Variants in SPAG16 observed in about 807,000 individuals in gnomAD.
The protein encoded by SPAG16 is sperm-associated antigen 16 protein.
Under a neutral mutation model 80.4 loss-of-function variants are expected in SPAG16, and 86 were observed. That is an observed-to-expected ratio of 1.07 (90% confidence interval 0.90 to 1.28). The LOEUF (loss-of-function observed/expected upper bound fraction) is 1.28. Among genes scored for constraint, SPAG16 ranks in the 50% most tolerant of loss-of-function variants. The pLI is 0.00. For synonymous variants in SPAG16, 294 were observed against 265.9 expected (o/e 1.11, Z -1.03); for missense variants, 870 against 765.3 (o/e 1.14, Z -1.61).
At chr2:213,683,263 T>C (rs577499351) in intron 10 of SPAG16, among the ~76,000 whole-genome samples, 14 of 152,180 alleles carry the variant, frequency 9.2e-5, no homozygotes, top group Non-Finnish European at 1.6e-4. Flanking sequence ...CATTAAAAGA[T>C]ACATAGCCTG....
intron 9 of SPAG16, among the ~76,000 whole-genome samples, chr2:213,432,981 CA>C (rs1278987356): frequency 6.6e-6 from 1 of 152,104 alleles, no homozygotes; most frequent in Non-Finnish European, 1.5e-5. Flanking sequence ...GTTCATCACA[CA>C]AACAAAATTA....
intron 7 of SPAG16, among the ~76,000 whole-genome samples, chr2:213,356,102 G>T (rs1464540955): frequency 2.6e-5 from 4 of 151,724 alleles, no homozygotes; most frequent in African/African-American, 9.7e-5. Context: ...TTTGTCAAAG[G>T]CCTTTTCTGG....
intron 8 of SPAG16, among the ~76,000 whole-genome samples, chr2:213,371,764 A>G (rs963104162): frequency 1.3e-4 from 20 of 152,224 alleles, no homozygotes; most frequent in Non-Finnish European, 2.5e-4. Context: ...GATTTGGAGC[A>G]AAGTTAGCAA....
At chr2:214,073,798 A>G (rs2050928575) in intron 13 of SPAG16, among the ~76,000 whole-genome samples, 1 of 152,310 alleles carries the variant, frequency 6.6e-6, no homozygotes, top group South Asian at 2.1e-4. Context: ...AAGACCTACT[A>G]TAAGTCTTAC....
chr2:213,645,217 G>A (rs1027119329), intron 10 of SPAG16, among the ~76,000 whole-genome samples: 4 of 152,266 alleles, frequency 2.6e-5, no homozygotes, highest in Non-Finnish European at 1.5e-5. Flanking sequence ...TGTGGTGAAT[G>A]AGGAACTGGA....
At chr2:213,920,502 C>A (rs2106205659) in intron 11 of SPAG16, among the ~76,000 whole-genome samples, 1 of 152,298 alleles carries the variant, frequency 6.6e-6, no homozygotes, top group East Asian at 1.9e-4. Context: ...CTGGAGGAAG[C>A]TGCAGTGGGG....
intron 10 of SPAG16, among the ~76,000 whole-genome samples, chr2:213,769,779 C>T (rs1405539883): frequency 1.3e-5 from 2 of 152,094 alleles, no homozygotes; most frequent in Admixed American, 6.5e-5. Context: ...CAGACGTGTA[C>T]AGTTTGATCA....
chr2:213,838,136 G>A (rs138908459), intron 10 of SPAG16, among the ~76,000 whole-genome samples: 106 of 151,934 alleles, frequency 7.0e-4, no homozygotes, highest in Non-Finnish European at 4.0e-4. Context: ...AGAGACAAAT[G>A]ACAAAAATAA....
intron 8 of SPAG16, among the ~76,000 whole-genome samples, chr2:213,372,096 G>A (rs994618967): frequency 1.3e-5 from 2 of 151,734 alleles, no homozygotes; most frequent in Admixed American, 1.3e-4. Context: ...TATACAGAAA[G>A]CACTTTTTAG....
intron 15 of SPAG16, among the ~76,000 whole-genome samples, chr2:214,153,090 G>A (rs535257469): frequency 1.1e-4 from 17 of 152,008 alleles, no homozygotes; most frequent in African/African-American, 3.1e-4. Flanking sequence ...AAACTGCCCC[G>A]GGGAAAGGGA....
At position 213,777,404 on chromosome 2, in the gene SPAG16, G is replaced by A. The variant is rs2069665164; in HGVS notation, c.1071-85081G>A. Among the ~76,000 whole-genome samples, 4 of 150,460 alleles carry A rather than the reference G, an allele frequency of 2.7e-5. No individual in the cohort carries two copies. In the South Asian group the frequency reaches 6.3e-4, roughly 24 times the overall value. On this transcript the variant is annotated intron_variant, in intron 10 of 15. Coordinates refer to ENST00000331683, the MANE Select transcript of SPAG16 (RefSeq NM_024532.5). The stretch of plus-strand genomic sequence containing the variant: ...TGGGATTACAGTCATGTACCACAAC[G>A]CCCAACTAATTTTTTTTTTTGAGAT...
At chr2:213,327,202 A>T (rs72937056) in intron 5 of SPAG16, among the ~76,000 whole-genome samples, 32,711 of 151,080 alleles carry the variant, frequency 0.22, 4,380 homozygotes, top group Non-Finnish European at 0.31. Flanking sequence ...TACTAATGTG[A>T]TGAGGAAATA....
intron 9 of SPAG16, among the ~76,000 whole-genome samples, chr2:213,482,117 AAT>A (rs574073214): frequency 2.0e-5 from 3 of 152,226 alleles, no homozygotes; most frequent in African/African-American, 4.8e-5. Context: ...AAAACAGCAA[AAT>A]ATATCTCTCT....
intron 10 of SPAG16, among the ~76,000 whole-genome samples, chr2:213,755,141 G>A (rs550212010): frequency 6.6e-6 from 1 of 152,136 alleles, no homozygotes. Flanking sequence ...AAGAATATTT[G>A]GTGCATTTTG....
intron 13 of SPAG16, among the ~76,000 whole-genome samples, chr2:214,082,375 C>T (rs139515119): frequency 1.3e-5 from 2 of 152,300 alleles, no homozygotes; most frequent in East Asian, 3.9e-4. Context: ...TTTACCTTCT[C>T]CTCCACTTCT....
At chr2:213,381,530 T>C (rs1251004321) in intron 9 of SPAG16, among the ~76,000 whole-genome samples, 1 of 152,200 alleles carries the variant, frequency 6.6e-6, no homozygotes, top group Non-Finnish European at 1.5e-5. Flanking sequence ...AAGCCTTTGT[T>C]AATGATTCCA....
chr2:213,748,660 A>C (rs2067944925), intron 10 of SPAG16, among the ~76,000 whole-genome samples: 1 of 152,196 alleles, frequency 6.6e-6, no homozygotes, highest in Non-Finnish European at 1.5e-5. Flanking sequence ...TATTATACAT[A>C]ATCTTGTGTA....
At chr2:213,849,985 A>AT (rs1435979859) in intron 10 of SPAG16, among the ~76,000 whole-genome samples, 2 of 152,208 alleles carry the variant, frequency 1.3e-5, no homozygotes, top group African/African-American at 4.8e-5. Context: ...GAAGCACAGT[A>AT]TATATAAAAC....
intron 10 of SPAG16, among the ~76,000 whole-genome samples, chr2:213,594,067 G>A (rs1045343486): frequency 1.3e-5 from 2 of 151,880 alleles, no homozygotes; most frequent in African/African-American, 2.4e-5. Flanking sequence ...GAGCCACCGC[G>A]CCCGGCCATC....
Sources: allele counts gnomAD v4.1 joint callset (sites outside exome capture counted in the v4.1 genomes callset), GRCh38; gene constraint gnomAD v4.1.1; transcripts MANE v1.5; gene names NCBI Gene and HGNC (gene_info 2026-07-23, HGNC 2026-07-21).